Variants in PCDHA5 observed in about 807,000 individuals in gnomAD.
The protein encoded by PCDHA5 is protocadherin alpha-5.
In PCDHA5, 43 loss-of-function variants were observed where a neutral mutation model predicts 61.6. The ratio of observed to expected loss-of-function variants is 0.70; its 90% CI spans 0.55 to 0.90. The LOEUF is 0.90. PCDHA5 is among the 40% of genes least tolerant of loss of function. The probability of loss-of-function intolerance (pLI) is 0.00; values close to 1 mark genes in which losing one functional copy is unlikely to be tolerated. For synonymous variants in PCDHA5, 627 were observed against 543.9 expected, an observed-to-expected ratio of 1.15 and a Z score of -2.13; for missense variants, 1,298 against 1,222.7, an observed-to-expected ratio of 1.06 and a Z score of -0.92.
At chr5:140,872,545 TGAACCCAGGGGTTCAG>T (rs1372003067) in intron 1 of PCDHA5, among the ~76,000 whole-genome samples, 1 of 152,158 alleles carries the variant, frequency 6.6e-6, no homozygotes, top group Non-Finnish European at 1.5e-5. Flanking sequence ...GAGGATCCCC[TGAACCCAGGGGTTCAG>T]GGCTGCAGTG....
intron 1 of PCDHA5, chr5:140,928,137 C>A (rs537220203): frequency 6.2e-7 from 1 of 1,614,182 alleles, no homozygotes; most frequent in South Asian, 1.1e-5. Flanking sequence ...AAGTCCTGAT[C>A]ACGGCCTCAG....
At chr5:140,977,140 G>A (rs2096748068) in intron 1 of PCDHA5, among the ~76,000 whole-genome samples, 1 of 152,202 alleles carries the variant, frequency 6.6e-6, no homozygotes, top group Non-Finnish European at 1.5e-5. Context: ...GGTCAGTCCT[G>A]CTGGAACTGT....
chr5:140,857,222 G>A (rs373834853), intron 1 of PCDHA5: 1 of 1,598,456 alleles, frequency 6.3e-7, no homozygotes, highest in Non-Finnish European at 8.6e-7. Flanking sequence ...GACGCCTCAC[G>A]TTCCGTTCAA....
At chr5:140,968,339 A>C in intron 1 of PCDHA5, 1 of 1,614,114 alleles carries the variant, frequency 6.2e-7, no homozygotes, top group Non-Finnish European at 8.5e-7. Flanking sequence ...TGTCTCCATT[A>C]ACAGTGCCAG....
intron 3 of PCDHA5, among the ~76,000 whole-genome samples, chr5:141,003,397 C>T (rs370088269): frequency 2.0e-5 from 3 of 152,086 alleles, no homozygotes; most frequent in African/African-American, 4.8e-5. Flanking sequence ...CTGAAACCTC[C>T]GCCTCCCGGG....
chr5:140,960,606 T>C (rs565459983), intron 1 of PCDHA5, among the ~76,000 whole-genome samples: 2 of 152,176 alleles, frequency 1.3e-5, no homozygotes, highest in African/African-American at 4.8e-5. Context: ...ACTTCAACAA[T>C]ATCTAGTGTG....
chr5:140,901,232 AT>A (rs2068522830), intron 1 of PCDHA5, among the ~76,000 whole-genome samples: 4 of 152,022 alleles, frequency 2.6e-5, no homozygotes, highest in East Asian at 1.9e-4. Context: ...CCATATATCC[AT>A]TTTTTTCCTT....
chr5:140,978,680 T>C (rs2096816388), intron 1 of PCDHA5, among the ~76,000 whole-genome samples: 1 of 152,240 alleles, frequency 6.6e-6, no homozygotes, highest in Non-Finnish European at 1.5e-5. Context: ...CAGACATGTA[T>C]TGGGCAAGGC....
intron 1 of PCDHA5, chr5:140,852,445 T>G (rs1294912184): frequency 5.4e-6 from 1 of 184,644 alleles, no homozygotes; most frequent in Admixed American, 6.7e-5. Flanking sequence ...GCCCAGCTAA[T>G]TTTTGTATTT....
chr5:140,968,132 A>G, intron 1 of PCDHA5: 1 of 1,614,082 alleles, frequency 6.2e-7, no homozygotes, highest in Non-Finnish European at 8.5e-7. Flanking sequence ...GCGTACACTG[A>G]AGGTTGAGAT....
chr5:140,946,457 C>T (rs1480427132), intron 1 of PCDHA5, among the ~76,000 whole-genome samples: 2 of 151,612 alleles, frequency 1.3e-5, no homozygotes, highest in Non-Finnish European at 3.0e-5. Flanking sequence ...AACTATCCAG[C>T]AATCCCACTA....
chr5:140,846,963 T>C (rs1458103794), intron 1 of PCDHA5, among the ~76,000 whole-genome samples: 3 of 149,600 alleles, frequency 2.0e-5, no homozygotes, highest in African/African-American at 7.3e-5. Context: ...TGTGTTTCAG[T>C]GGTTTTAAAA....
At chr5:140,876,015 A>G (rs1479938988) in intron 1 of PCDHA5, 3 of 1,613,662 alleles carry the variant, frequency 1.9e-6, no homozygotes, top group Non-Finnish European at 2.5e-6. Flanking sequence ...TTGAGCTTAA[A>G]ATAAAAACAA....
intron 1 of PCDHA5, among the ~76,000 whole-genome samples, chr5:140,965,342 G>T (rs2095891598): frequency 6.6e-6 from 1 of 152,130 alleles, no homozygotes; most frequent in South Asian, 2.1e-4. Context: ...TTGTCTCTGT[G>T]TTGCCTCTAT....
Position 140,823,155 on chromosome 5 carries a change from C to T in PCDHA5, c.1380C>T (p.Thr460=), listed in dbSNP as rs142802947. The T allele has an allele frequency of 2.5e-6, 4 of 1,613,730 alleles. No individual in the cohort carries two copies. In the South Asian group the frequency reaches 3.3e-5, roughly 13 times the overall value. The part of the protein sequence containing the change: ...NAPAFAQPQY[T]VFVKENNPPG... ...CGGCGTTCGCGCAGCCCCAGTATACCGTGTTCGTGAAGGAGAACAACCCGC... is the reference window on the plus strand; with the variant it reads ...CGGCGTTCGCGCAGCCCCAGTATACTGTGTTCGTGAAGGAGAACAACCCGC... The change falls in exon 1 of 4, where the codon ACC becomes ACT. Residue 460 remains threonine, a synonymous_variant. Transcript: ENST00000529859.
At chr5:140,935,104 A>C (rs1233919640) in intron 1 of PCDHA5, among the ~76,000 whole-genome samples, 1 of 152,126 alleles carries the variant, frequency 6.6e-6, no homozygotes, top group South Asian at 2.1e-4. Flanking sequence ...GCCATTTTTC[A>C]AAGAGCTTTC....
chr5:140,823,379 G>T lies in PCDHA5; in HGVS notation c.1604G>T (p.Ser535Ile), dbSNP rs2150125184. 1 of 1,612,650 alleles carries T rather than the reference G, an allele frequency of 6.2e-7. No homozygotes were observed. The highest frequency in any genetic ancestry group is 8.5e-7 in the Non-Finnish European group (1 of 1,179,778). ...EEVELLQFQV[S>I]ARDAGVPPLG... ...GTGGAGCTGCTGCAGTTCCAGGTGA[G>T]CGCGCGCGACGCGGGCGTGCCGCCT... Residue 535 changes from serine to isoleucine, a missense_variant, in exon 1 of 4, where the codon AGC becomes ATC. Physicochemically the swap from Ser to Ile is moderately radical, Grantham distance 142. Transcript: ENST00000529859.
At chr5:140,853,465 C>A in intron 1 of PCDHA5, 2 of 970,762 alleles carry the variant, frequency 2.1e-6, no homozygotes, top group Non-Finnish European at 2.5e-6. Context: ...TTATATGCAT[C>A]TGTAGTTAAC....
At chr5:140,857,704 G>T in intron 1 of PCDHA5, 1 of 1,597,424 alleles carries the variant, frequency 6.3e-7, no homozygotes, top group Admixed American at 1.7e-5. Flanking sequence ...CGCTGCAGGT[G>T]TTCGTGCTGG....
Sources: allele counts gnomAD v4.1 joint callset (sites outside exome capture counted in the v4.1 genomes callset), GRCh38; gene constraint gnomAD v4.1.1; transcripts MANE v1.5; gene names NCBI Gene and HGNC (gene_info 2026-07-23, HGNC 2026-07-21).